SYNJ1: variants seen among roughly 807,000 people sequenced by gnomAD.
The protein encoded by SYNJ1 is synaptojanin 1.
Under a neutral mutation model 168.2 loss-of-function variants are expected in SYNJ1, and 78 were observed. That is an observed-to-expected ratio of 0.46 (90% CI 0.39 to 0.56). The LOEUF is 0.56. Ranked by LOEUF, SYNJ1 falls within the 20% of genes least tolerant of loss-of-function variation. The pLI is 0.00. For synonymous variants in SYNJ1, 539 were observed against 548.6 expected (o/e 0.98, Z 0.24); for missense variants, 1,303 against 1,597.6 (o/e 0.82, Z 3.14).
intron 14 of SYNJ1, among the ~76,000 whole-genome samples, chr21:32,673,050 C>T (rs1307157692): frequency 6.6e-6 from 1 of 151,952 alleles, no homozygotes; most frequent in Non-Finnish European, 1.5e-5. Context: ...TGTGTGGTTG[C>T]CTTCAAAGAA....
Position 32,687,041 on chromosome 21 carries a change from T to C in SYNJ1, c.885A>G (p.Lys295=), listed in dbSNP as rs1219063833. 19 of 1,544,142 alleles carry C rather than the reference T, an allele frequency of 1.2e-5. No homozygotes were observed. The highest frequency in any genetic ancestry group is 1.7e-5 in the Non-Finnish European group (19 of 1,149,524). ...ATCCAAGCAAATTTACTATTATTTGTTTACCATATAAGTTCTTAAGTGTTC... is the reference window on the plus strand; with the variant it reads ...ATCCAAGCAAATTTACTATTATTTGCTTACCATATAAGTTCTTAAGTGTTC... ...HFRTLKNLYG[K]QIIVNLLGSK... The change falls in exon 8 of 33, where the codon AAA becomes AAG. Residue 295 remains lysine, a synonymous_variant. Transcript: ENST00000674351.
intron 24 of SYNJ1, 117 bp from the exon 25 acceptor site, chr21:32,645,906 G>C: frequency 1.1e-5 from 15 of 1,410,176 alleles, no homozygotes; most frequent in Admixed American, 1.8e-5. Context: ...TGTAAAGAAA[G>C]GGCATGTATT....
At chr21:32,667,224 G>A (rs1412081407) in intron 15 of SYNJ1, among the ~76,000 whole-genome samples, 1 of 151,994 alleles carries the variant, frequency 6.6e-6, no homozygotes, top group Non-Finnish European at 1.5e-5. Context: ...AGCTAACTGT[G>A]CACATATATG....
chr21:32,698,732 A>G (rs1398001764), intron 4 of SYNJ1, among the ~76,000 whole-genome samples: 1 of 152,164 alleles, frequency 6.6e-6, no homozygotes, highest in East Asian at 1.9e-4. Context: ...ACTTACCTAC[A>G]TAAGTCCTAA....
intron 30 of SYNJ1, 64 bp from the exon 31 acceptor site, chr21:32,639,189 T>C (rs919786094): frequency 1.0e-5 from 15 of 1,451,016 alleles, no homozygotes; most frequent in Non-Finnish European, 1.2e-5. Flanking sequence ...TTTCCTTCTT[T>C]AGTGAAATGT....
intron 2 of SYNJ1, among the ~76,000 whole-genome samples, 161 bp downstream of exon 2, chr21:32,726,611 T>A (rs796177480): frequency 2.6e-5 from 4 of 152,298 alleles, no homozygotes; most frequent in African/African-American, 9.6e-5. Context: ...AACAAAAAGT[T>A]TGCAGGAAAA....
intron 15 of SYNJ1, among the ~76,000 whole-genome samples, chr21:32,668,222 C>T (rs996548098): frequency 3.9e-5 from 6 of 152,012 alleles, no homozygotes; most frequent in Non-Finnish European, 5.9e-5. Context: ...CGGGGCACCA[C>T]GTCCAGCTGA....
chr21:32,665,838 T>C, intron 17 of SYNJ1, 105 bp downstream of exon 17: 1 of 1,163,740 alleles, frequency 8.6e-7, no homozygotes, highest in Non-Finnish European at 1.2e-6. Context: ...ATTCTTAATG[T>C]TTCTAGGAAC....
In SYNJ1 at chr21:32,637,414, T is replaced by TC. The variant is rs1421273586; in HGVS notation, c.3915+1493_3915+1494insG. Among the ~76,000 whole-genome samples, 5 of 142,982 alleles carry TC rather than the reference T, an allele frequency of 3.5e-5. No individual in the cohort carries two copies. The East Asian group carries it at 9.9e-4, about 28-fold the overall frequency. 93.8% of individuals were successfully genotyped at this position (142,982 alleles called of 152,430 possible). ...CTCAATTTTTCTTTTTTCTTTTTTT[T>TC]TTTTTTTTTTTTGAGATGGAGTCTC... On this transcript the variant is annotated intron_variant, in intron 31 of 32. Coordinates refer to ENST00000674351, the MANE Select transcript of SYNJ1 (RefSeq NM_203446.3).
rs368381417 is a variant in SYNJ1, at chr21:32,630,964, G to T, written c.*841C>A. ...TTCTCTTAGCTCTATCCTGCCAAAAGCAAGTACCCACTGTTTTCTATTGCA... is the reference window on the plus strand; with the variant it reads ...TTCTCTTAGCTCTATCCTGCCAAAATCAAGTACCCACTGTTTTCTATTGCA... On this transcript the variant is annotated 3_prime_UTR_variant, in exon 33 of 33. Coordinates refer to ENST00000674351, the MANE Select transcript of SYNJ1 (RefSeq NM_203446.3). 1.5e-5 allele frequency: 24 copies of T among 1,582,398 alleles called. No individual in the cohort carries two copies. In the African/African-American group the frequency reaches 3.0e-4, roughly 20 times the overall value.
chr21:32,663,311 G>A (rs1026522776), intron 18 of SYNJ1, among the ~76,000 whole-genome samples: 1 of 152,200 alleles, frequency 6.6e-6, no homozygotes, highest in African/African-American at 2.4e-5. Context: ...GGATGACTTA[G>A]TTGTCTGGGA....
intron 14 of SYNJ1, 83 bp from the exon 15 acceptor site, chr21:32,670,455 C>A: frequency 1.0e-6 from 1 of 975,082 alleles, no homozygotes; most frequent in South Asian, 1.6e-5. Context: ...AACACCAGGT[C>A]TCATAAAGAC....
At position 32,726,833 on chromosome 21, in the gene SYNJ1, T is replaced by C. The variant is rs759604797; in HGVS notation, c.63A>G (p.Ile21Met). The part of the protein sequence containing the change: ...HKLDPPPFSL[I>M]VETRHKEECL... The stretch of plus-strand genomic sequence containing the variant: ...ATTCTTCCTTATGCCTAGTTTCCAC[T>C]ATGAGGCTGAAAGGTGGGGGATCCA... Residue 21 changes from isoleucine (I) to methionine (M), a missense_variant, in exon 2 of 33, where the codon ATA becomes ATG. Coordinates refer to ENST00000674351, the MANE Select transcript of SYNJ1 (RefSeq NM_203446.3). 2 of 1,614,190 alleles carry C rather than the reference T, an allele frequency of 1.2e-6. No homozygotes were observed. Among genetic ancestry groups the C allele is most frequent in the South Asian group, 1.1e-5 (1 of 91,082 alleles).
At chr21:32,653,164 C>G (rs771474190) in intron 22 of SYNJ1, 124 bp downstream of exon 22, 47 of 753,722 alleles carry the variant, frequency 6.2e-5, no homozygotes, top group Middle Eastern at 5.9e-4. Flanking sequence ...AATAACTCCT[C>G]GAACATACCA....
At chr21:32,695,485 C>T (rs1157151551) in intron 4 of SYNJ1, among the ~76,000 whole-genome samples, 2 of 152,044 alleles carry the variant, frequency 1.3e-5, no homozygotes, top group African/African-American at 4.8e-5. Context: ...CTATGATCCA[C>T]AGAAAAGGAG....
rs752329752 is a variant in SYNJ1, at chr21:32,666,050, T to C, written c.2038A>G (p.Thr680Ala). 1 of 1,614,134 alleles carries C rather than the reference T, an allele frequency of 6.2e-7. No individual in the cohort carries two copies. The highest frequency in any genetic ancestry group is 1.1e-5 in the South Asian group (1 of 91,066). ...CTACAGACGAAGCAAAGGCTGGTTGTATGGAAGAGCATTCGGATTGCAACT... is the reference window on the plus strand; with the variant it reads ...CTACAGACGAAGCAAAGGCTGGTTGCATGGAAGAGCATTCGGATTGCAACT... ...GAVAIRMLFHTTSLCFVCSHF... is the reference protein window; with the variant it reads ...GAVAIRMLFHATSLCFVCSHF... Residue 680 changes from threonine (T) to alanine (A), a missense_variant, in exon 17 of 33, where the codon ACA (threonine) becomes GCA (alanine). Thr to Ala is a moderately conservative substitution (Grantham distance 58, BLOSUM62 0). Transcript: ENST00000674351.
intron 5 of SYNJ1, 86 bp downstream of exon 5, chr21:32,694,971 C>T (rs1364844358): frequency 1.2e-5 from 16 of 1,290,676 alleles, no homozygotes; most frequent in South Asian, 2.9e-5. Flanking sequence ...AAATAAGCTC[C>T]GAATCAAATA....
intron 2 of SYNJ1, among the ~76,000 whole-genome samples, chr21:32,715,944 C>T (rs532682252): frequency 6.6e-6 from 1 of 152,222 alleles, no homozygotes; most frequent in South Asian, 2.1e-4. Flanking sequence ...TCTCCAAGTG[C>T]CAAATCATTC....
chr21:32,711,293 T>A (rs1485075818), intron 2 of SYNJ1, among the ~76,000 whole-genome samples: 1 of 152,116 alleles, frequency 6.6e-6, no homozygotes, highest in African/African-American at 2.4e-5. Context: ...CTCTATCATA[T>A]TATTTGACAT....
Sources: gnomAD v4.1 joint callset for allele counts (sites outside exome capture counted in the v4.1 genomes callset) on GRCh38, gnomAD v4.1.1 for gene constraint, MANE v1.5 for transcripts, NCBI Gene and HGNC (gene_info 2026-07-23, HGNC 2026-07-21) for gene names.